FHIT: variants seen among roughly 807,000 people sequenced by gnomAD.
The protein encoded by FHIT is fragile histidine triad diadenosine triphosphatase.
Under a neutral mutation model 17.9 loss-of-function variants are expected in FHIT, and 19 were observed. The observed-to-expected ratio is 1.06, with a 90% CI of 0.74 to 1.56. The LOEUF (loss-of-function observed/expected upper bound fraction) is 1.56. Among genes scored for constraint, FHIT ranks in the 40% most tolerant of loss-of-function variants. The pLI is 0.00. For synonymous variants in FHIT, 81 were observed against 69.7 expected, an observed-to-expected ratio of 1.16 and a Z score of -0.81; for missense variants, 248 against 189.2, an observed-to-expected ratio of 1.31 and a Z score of -1.82.
chr3:60,198,026 G>A (rs141826212), intron 5 of FHIT, among the ~76,000 whole-genome samples: 3 of 152,296 alleles, frequency 2.0e-5, no homozygotes, highest in African/African-American at 7.2e-5. Flanking sequence ...AAATGCATAT[G>A]CCTCACAGGC....
intron 4 of FHIT, among the ~76,000 whole-genome samples, chr3:60,794,769 G>C (rs1187318047): frequency 6.6e-6 from 1 of 152,090 alleles, no homozygotes; most frequent in African/African-American, 2.4e-5. Flanking sequence ...TTTCTATTCT[G>C]TGCTGTCTCT....
intron 3 of FHIT, among the ~76,000 whole-genome samples, chr3:60,926,610 A>C (rs1170689320): frequency 6.6e-6 from 1 of 152,256 alleles, no homozygotes; most frequent in Non-Finnish European, 1.5e-5. Flanking sequence ...ATCAGGAAAG[A>C]TCTAAAATTG....
intron 4 of FHIT, among the ~76,000 whole-genome samples, chr3:60,632,389 C>T (rs2039468618): frequency 1.3e-5 from 2 of 152,276 alleles, no homozygotes; most frequent in South Asian, 4.1e-4. Context: ...ATCTTAGCTC[C>T]AAGTTGACAT....
chr3:59,838,658 TGA>T (rs1313669545), intron 8 of FHIT, among the ~76,000 whole-genome samples: 1 of 152,180 alleles, frequency 6.6e-6, no homozygotes, highest in Non-Finnish European at 1.5e-5. Flanking sequence ...GAGCAAGCGG[TGA>T]GAGTTTTGAT....
intron 8 of FHIT, among the ~76,000 whole-genome samples, chr3:59,859,184 A>G (rs1702303357): frequency 1.3e-5 from 2 of 152,196 alleles, no homozygotes; most frequent in Admixed American, 1.3e-4. Flanking sequence ...AGATCTGGCA[A>G]GTACCAACTG....
intron 8 of FHIT, among the ~76,000 whole-genome samples, chr3:59,866,480 A>G (rs1702655556): frequency 6.6e-6 from 1 of 152,214 alleles, no homozygotes; most frequent in Admixed American, 6.5e-5. Context: ...CAACGGGGGC[A>G]TGACAAAATC....
intron 5 of FHIT, among the ~76,000 whole-genome samples, chr3:60,202,586 A>G (rs770907451): frequency 2.6e-5 from 4 of 152,174 alleles, no homozygotes; most frequent in Non-Finnish European, 5.9e-5. Context: ...CTGGAAAAGG[A>G]TGCTATAAAG....
At chr3:60,163,106 A>G (rs1431711241) in intron 5 of FHIT, among the ~76,000 whole-genome samples, 3 of 150,076 alleles carry the variant, frequency 2.0e-5, no homozygotes, top group Non-Finnish European at 3.0e-5. Context: ...TGCAAAAGAC[A>G]TTGTGCACAC....
intron 5 of FHIT, among the ~76,000 whole-genome samples, chr3:60,294,163 TTC>T (rs1430690319): frequency 6.6e-6 from 1 of 152,186 alleles, no homozygotes; most frequent in Non-Finnish European, 1.5e-5. Context: ...GGGTCATAGC[TTC>T]TGTCATTGTT....
At chr3:61,205,891 C>A (rs1022288234) in intron 1 of FHIT, among the ~76,000 whole-genome samples, 2 of 149,692 alleles carry the variant, frequency 1.3e-5, no homozygotes, top group African/African-American at 5.0e-5. Context: ...GAAGTCCTTG[C>A]CCATGCCTAT....
At chr3:60,603,920 C>T (rs1553669862) in intron 4 of FHIT, among the ~76,000 whole-genome samples, 1 of 152,120 alleles carries the variant, frequency 6.6e-6, no homozygotes, top group East Asian at 1.9e-4. Context: ...TGCCACCATA[C>T]TTTATAGGTA....
At chr3:60,841,872 A>T (rs73836187) in intron 3 of FHIT, among the ~76,000 whole-genome samples, 2,441 of 152,282 alleles carry the variant, frequency 0.016, 64 homozygotes, top group African/African-American at 0.056. Context: ...TTAAAAAAAA[A>T]TTTCTGATAT....
At chr3:60,976,267 T>C (rs1336180316) in intron 3 of FHIT, among the ~76,000 whole-genome samples, 11 of 151,778 alleles carry the variant, frequency 7.2e-5, no homozygotes, top group Non-Finnish European at 1.5e-4. Context: ...CTATCATGCC[T>C]GGCTAATTTT....
intron 5 of FHIT, among the ~76,000 whole-genome samples, chr3:60,032,460 T>A (rs955553415): frequency 3.0e-5 from 4 of 133,278 alleles, no homozygotes; most frequent in East Asian, 4.1e-4. Flanking sequence ...TTGAAAAAAA[T>A]AATAAAAATA....
intron 5 of FHIT, among the ~76,000 whole-genome samples, chr3:60,521,494 A>C (rs577776932): frequency 3.3e-5 from 5 of 151,992 alleles, no homozygotes; most frequent in Non-Finnish European, 5.9e-5. Context: ...TGATCCGCCC[A>C]CCTCGGCCTC....
intron 5 of FHIT, among the ~76,000 whole-genome samples, chr3:60,026,014 T>C (rs1700727469): frequency 6.6e-6 from 1 of 151,748 alleles, no homozygotes; most frequent in Admixed American, 6.6e-5. Context: ...CTCCAAGGCC[T>C]GTAAAGGGGG....
At chr3:61,246,012 G>A (rs776576143) in intron 1 of FHIT, among the ~76,000 whole-genome samples, 7 of 152,138 alleles carry the variant, frequency 4.6e-5, no homozygotes, top group Non-Finnish European at 1.0e-4. Context: ...TAGAGAAGTT[G>A]GCTAAAACCC....
intron 1 of FHIT, among the ~76,000 whole-genome samples, chr3:61,204,311 T>C (rs533839445): frequency 4.3e-4 from 66 of 152,306 alleles, no homozygotes; most frequent in African/African-American, 1.5e-3. Context: ...GATCTGTTTC[T>C]TGGCCTAGAA....
At chr3:60,885,920 A>G (rs1559800959) in intron 3 of FHIT, among the ~76,000 whole-genome samples, 1 of 151,096 alleles carries the variant, frequency 6.6e-6, no homozygotes, top group Non-Finnish European at 1.5e-5. Flanking sequence ...TGCCTGACTT[A>G]CCATATTCAT....
Sources: gnomAD v4.1 joint callset for allele counts (sites outside exome capture counted in the v4.1 genomes callset) on GRCh38, gnomAD v4.1.1 for gene constraint, MANE v1.5 for transcripts, NCBI Gene and HGNC (gene_info 2026-07-23, HGNC 2026-07-21) for gene names.